Variants in TXNRD1 observed in about 807,000 individuals in gnomAD.
TXNRD1 encodes thioredoxin reductase 1.
Under a neutral mutation model 80.3 loss-of-function variants are expected in TXNRD1, and 57 were observed. That is an observed-to-expected ratio of 0.71 (90% CI 0.57 to 0.89). TXNRD1 has a LOEUF of 0.89. Among genes scored for constraint, TXNRD1 ranks in the 40% least tolerant of loss-of-function variants. The pLI is 0.00. For missense variants in TXNRD1, 730 were observed against 803.0 expected, an observed-to-expected ratio of 0.91 and a Z score of 1.10; for synonymous variants, 291 against 285.2, an observed-to-expected ratio of 1.02 and a Z score of -0.20.
At chr12:104,286,587 T>G (rs2033974971) in intron 3 of TXNRD1, 1 of 178,762 alleles carries the variant, frequency 5.6e-6, no homozygotes, top group Non-Finnish European at 9.9e-6. Context: ...ACCTTTGGAG[T>G]TTTTTTTTTT....
chr12:104,260,898 G>T (rs2033352864), intron 3 of TXNRD1, among the ~76,000 whole-genome samples: 1 of 152,212 alleles, frequency 6.6e-6, no homozygotes. Context: ...AACATCGGAA[G>T]AGATGGGCAG....
intron 1 of TXNRD1, among the ~76,000 whole-genome samples, chr12:104,241,587 C>T (rs2032867701): frequency 1.3e-5 from 2 of 151,734 alleles, no homozygotes; most frequent in African/African-American, 2.4e-5. Context: ...AGGCTGGTCT[C>T]GAACTCCTGA....
chr12:104,337,953 A>ATTTTTTTTTTTTTTTTTTTTT (rs761640158), intron 15 of TXNRD1, among the ~76,000 whole-genome samples: 1 of 116,874 alleles, frequency 8.6e-6, no homozygotes, highest in Non-Finnish European at 1.8e-5. Flanking sequence ...TGCCCAGCTA[A>ATTTTTTTTTTTTTTTTTTTTT]TTTTTTTTTT....
chr12:104,258,704 T>C lies in TXNRD1; in HGVS notation c.304+625T>C, dbSNP rs184125410. Among the ~76,000 whole-genome samples, 3 of 152,270 alleles carry C rather than the reference T, an allele frequency of 2.0e-5. No homozygotes were observed. The East Asian group carries it at 5.8e-4, about 29-fold the overall frequency. On this transcript the variant is annotated intron_variant, in intron 3 of 16. Coordinates refer to ENST00000525566, the MANE Select transcript of TXNRD1 (RefSeq NM_001093771.3). ...ACACTGGGAGGCCAGGGTAGTAGGATCGCTTGAGGCCAGGAGTTTGAGTCC... is the reference window on the plus strand; with the variant it reads ...ACACTGGGAGGCCAGGGTAGTAGGACCGCTTGAGGCCAGGAGTTTGAGTCC...
chr12:104,339,461 C>T lies in TXNRD1; in HGVS notation c.1881+188C>T, dbSNP rs367844970. ...GCTCATGGTATGAACTGGAGGCTTC[C>T]GTCATGTCGTTAAGTGGTAAAAATT... is the stretch of plus-strand genomic sequence containing the variant. On this transcript the variant is annotated intron_variant, in intron 16 of 16. Transcript: ENST00000525566. The T allele has an allele frequency of 3.1e-4, 250 of 798,628 alleles. No homozygotes were observed. The African/African-American group carries it at 3.6e-3, about 12-fold the overall frequency. The allele number at this position is 798,628 out of a possible 1,614,324, so 49.5% of individuals were successfully genotyped here.
chr12:104,219,506 T>C (rs1162467742), intron 1 of TXNRD1, among the ~76,000 whole-genome samples: 2 of 152,186 alleles, frequency 1.3e-5, no homozygotes, highest in Non-Finnish European at 2.9e-5. Flanking sequence ...AAGAATGGCG[T>C]AGAAAATGCA....
chr12:104,231,849 G>A (rs915310870), intron 1 of TXNRD1, among the ~76,000 whole-genome samples: 1 of 152,174 alleles, frequency 6.6e-6, no homozygotes, highest in Non-Finnish European at 1.5e-5. Flanking sequence ...AGCTGCAGGT[G>A]ATCACCACTT....
At position 104,311,354 on chromosome 12, in the gene TXNRD1, C is replaced by G. The variant is rs371761559; in HGVS notation, c.479C>G (p.Ser160Cys). The G allele has an allele frequency of 7.4e-6, 12 of 1,613,278 alleles. No individual in the cohort carries two copies. The highest frequency in any genetic ancestry group is 1.0e-5 in the Non-Finnish European group (12 of 1,179,658). ...AACGGCCCTGAAGATCTTCCCAAGT[C>G]CTATGACTATGACCTTATCATCATT... ...KMNGPEDLPK[S>C]YDYDLIIIGG... The change falls in exon 5 of 17, where the codon TCC becomes TGC. Residue 160 changes from serine to cysteine, a missense_variant. Ser to Cys is a moderately radical substitution (Grantham distance 112). Transcript: ENST00000525566.
rs554028393 is a variant in TXNRD1 at position 104,348,966 on chromosome 12, G to C, written c.*545G>C. 6.5e-6 allele frequency: 1 copy of C among 154,914 alleles called. No homozygotes were observed. Among genetic ancestry groups the C allele is most frequent in the African/African-American group, 2.4e-5 (1 of 41,554 alleles). The allele number at this position is 154,914 out of a possible 1,614,324, so 9.6% of individuals were successfully genotyped here. A position where few individuals can be genotyped will look rare whatever the true frequency, so the allele number is the denominator to read the frequency against. On this transcript the variant is annotated 3_prime_UTR_variant, in exon 17 of 17. Transcript: ENST00000525566. ...TTGTCCCGGGAAAGAGAACTGTCCT[G>C]CAGCTGAAATGGACTGTTCTTTACT...
chr12:104,303,977 G>T (rs1379762940), intron 4 of TXNRD1: 1 of 1,606,514 alleles, frequency 6.2e-7, no homozygotes, highest in Non-Finnish European at 8.5e-7. Context: ...CTGCTCCGAC[G>T]ACCTCAGCTC....
At chr12:104,253,692 G>T (rs1406851978) in intron 2 of TXNRD1, among the ~76,000 whole-genome samples, 3 of 151,644 alleles carry the variant, frequency 2.0e-5, no homozygotes, top group African/African-American at 7.3e-5. Context: ...CTTATTGAGG[G>T]TTTTTTTGTT....
At chr12:104,306,284 T>C (rs2034912104) in intron 4 of TXNRD1, among the ~76,000 whole-genome samples, 1 of 152,244 alleles carries the variant, frequency 6.6e-6, no homozygotes, top group African/African-American at 2.4e-5. Flanking sequence ...CTTCACTTAG[T>C]GTAAAGCCAT....
intron 1 of TXNRD1, among the ~76,000 whole-genome samples, chr12:104,223,967 T>G (rs957862007): frequency 1.3e-5 from 2 of 152,206 alleles, no homozygotes; most frequent in Non-Finnish European, 2.9e-5. Context: ...AGGAAATATA[T>G]GTGAGATTGT....
At chr12:104,282,914 C>T (rs1197841187) in intron 3 of TXNRD1, 1 of 152,200 alleles carries the variant, frequency 6.6e-6, no homozygotes, top group Non-Finnish European at 1.5e-5. Flanking sequence ...ACACACTAGT[C>T]TTGAACTGCT....
chr12:104,282,301 T>G, intron 3 of TXNRD1, among the ~76,000 whole-genome samples: 1 of 152,202 alleles, frequency 6.6e-6, no homozygotes, highest in Non-Finnish European at 1.5e-5. Context: ...GGTCTCAGGT[T>G]ACAACAGGCA....
intron 3 of TXNRD1, chr12:104,265,320 G>C: frequency 6.2e-7 from 1 of 1,608,282 alleles, no homozygotes; most frequent in Non-Finnish European, 8.5e-7. Context: ...TGAAGGCCTC[G>C]GGCACGCTAC....
intron 1 of TXNRD1, among the ~76,000 whole-genome samples, chr12:104,220,585 C>T (rs546145435): frequency 3.3e-5 from 5 of 152,038 alleles, no homozygotes; most frequent in Non-Finnish European, 4.4e-5. Flanking sequence ...ATTAGCTGGG[C>T]GTGGTAGCAC....
intron 4 of TXNRD1, among the ~76,000 whole-genome samples, chr12:104,301,231 T>C (rs4523760): frequency 0.22 from 34,221 of 152,190 alleles, 3,955 homozygotes; most frequent in Middle Eastern, 0.31. Flanking sequence ...GGTCTTTATG[T>C]AGCAAATTGG....
At chr12:104,316,937 A>C (rs1166339401) in intron 7 of TXNRD1, among the ~76,000 whole-genome samples, 2 of 152,186 alleles carry the variant, frequency 1.3e-5, no homozygotes, top group Non-Finnish European at 2.9e-5. Flanking sequence ...TGTAAAGATA[A>C]GGCATAAATG....
Sources: allele counts gnomAD v4.1 joint callset (sites outside exome capture counted in the v4.1 genomes callset), GRCh38; gene constraint gnomAD v4.1.1; transcripts MANE v1.5; gene names NCBI Gene and HGNC (gene_info 2026-07-23, HGNC 2026-07-21).